FAM13C: variants seen among roughly 807,000 people sequenced by gnomAD.
FAM13C encodes the protein protein FAM13C.
In FAM13C, 37 loss-of-function variants were observed where a neutral mutation model predicts 73.2. The observed-to-expected ratio is 0.51, with a 90% CI of 0.39 to 0.67. FAM13C has a LOEUF of 0.67. Among genes scored for constraint, FAM13C ranks in the 30% least tolerant of loss-of-function variants. FAM13C has a pLI of 0.00. For missense variants in FAM13C, 589 were observed against 715.6 expected, an observed-to-expected ratio of 0.82 and a Z score of 2.02; for synonymous variants, 246 against 260.9, an observed-to-expected ratio of 0.94 and a Z score of 0.55.
At chr10:59,316,171 G>A (rs1318528386) in intron 4 of FAM13C, among the ~76,000 whole-genome samples, 1 of 152,110 alleles carries the variant, frequency 6.6e-6, no homozygotes. Flanking sequence ...CTGGCCTCAA[G>A]TGATCTGCCC....
At chr10:59,338,171 G>A (rs1335505131) in intron 3 of FAM13C, among the ~76,000 whole-genome samples, 2 of 151,924 alleles carry the variant, frequency 1.3e-5, no homozygotes, top group Non-Finnish European at 2.9e-5. Flanking sequence ...TCATTTTTCA[G>A]ATTGTTAACC....
intron 4 of FAM13C, among the ~76,000 whole-genome samples, chr10:59,318,425 T>A (rs1849799780): frequency 6.6e-6 from 1 of 152,158 alleles, no homozygotes. Context: ...GGAGCTCGTA[T>A]TCTTTAGCTA....
chr10:59,284,423 G>A (rs1809275), intron 5 of FAM13C, among the ~76,000 whole-genome samples: 32,098 of 151,590 alleles, frequency 0.21, 4,317 homozygotes, highest in African/African-American at 0.37. Context: ...GGTGGGCACC[G>A]GGAGCAGAGC....
chr10:59,342,384 T>G (rs1853630811), intron 3 of FAM13C, among the ~76,000 whole-genome samples: 1 of 151,346 alleles, frequency 6.6e-6, no homozygotes, highest in Admixed American at 6.6e-5. Context: ...TCCTGGCAGC[T>G]CTCAGACCAC....
In FAM13C at chr10:59,251,566, G is replaced by T. The variant is rs535888583; in HGVS notation, c.1634+9C>A. On this transcript the variant is annotated intron_variant, in intron 13 of 13. Coordinates refer to ENST00000618804, the MANE Select transcript of FAM13C (RefSeq NM_198215.4). ...TATTAGCTTTAAAAATCTCTCTGCC[G>T]ACACATACCTTCCTGTTTGTTTAAA... 3.9e-5 allele frequency: 62 copies of T among 1,609,496 alleles called. No individual in the cohort carries two copies. The South Asian group carries it at 6.0e-4, about 16-fold the overall frequency.
chr10:59,266,511 C>A (rs1366793155), intron 8 of FAM13C, among the ~76,000 whole-genome samples: 1 of 152,176 alleles, frequency 6.6e-6, no homozygotes, highest in Non-Finnish European at 1.5e-5. Context: ...AACCTCTAAG[C>A]ACAGCCTGGC....
At chr10:59,271,035 T>C (rs1390097697) in intron 6 of FAM13C, among the ~76,000 whole-genome samples, 1 of 152,000 alleles carries the variant, frequency 6.6e-6, no homozygotes, top group East Asian at 1.9e-4. Flanking sequence ...GGGGATCAGA[T>C]CATTAGGAAA....
At chr10:59,266,111 G>C (rs1289574642) in intron 8 of FAM13C, among the ~76,000 whole-genome samples, 2 of 152,172 alleles carry the variant, frequency 1.3e-5, no homozygotes, top group Non-Finnish European at 2.9e-5. Flanking sequence ...ATTCTTTGCT[G>C]TGTGATTCTG....
intron 10 of FAM13C, among the ~76,000 whole-genome samples, chr10:59,257,798 G>A (rs1842087815): frequency 6.6e-6 from 1 of 152,172 alleles, no homozygotes; most frequent in Non-Finnish European, 1.5e-5. Flanking sequence ...ATTAATATTT[G>A]TCTTGAAACC....
chr10:59,347,210 T>C (rs1487624766), intron 3 of FAM13C, among the ~76,000 whole-genome samples: 1 of 152,226 alleles, frequency 6.6e-6, no homozygotes, highest in Admixed American at 6.5e-5. Flanking sequence ...TATTCTGTTC[T>C]ATCAGTAAAT....
intron 6 of FAM13C, among the ~76,000 whole-genome samples, chr10:59,280,148 A>C (rs1253642715): frequency 6.6e-6 from 1 of 152,178 alleles, no homozygotes; most frequent in Non-Finnish European, 1.5e-5. Context: ...GTGGTTTGCA[A>C]CCTACAAGTA....
chr10:59,343,533 T>C (rs1274326038), intron 3 of FAM13C, among the ~76,000 whole-genome samples: 1 of 152,222 alleles, frequency 6.6e-6, no homozygotes, highest in Non-Finnish European at 1.5e-5. Flanking sequence ...AGAATTGTAC[T>C]TCTTGGTCCA....
At chr10:59,300,523 T>C (rs537228462) in intron 5 of FAM13C, among the ~76,000 whole-genome samples, 22 of 152,158 alleles carry the variant, frequency 1.4e-4, no homozygotes, top group Non-Finnish European at 2.6e-4. Flanking sequence ...TACATGTTTA[T>C]TTAGAGATGG....
In FAM13C at chr10:59,270,083, GC is replaced by G; in HGVS notation, c.618del (p.Gln207ArgfsTer46). On this transcript the variant is annotated frameshift_variant, in exon 7 of 14. Coordinates refer to ENST00000618804, the MANE Select transcript of FAM13C (RefSeq NM_198215.4). LOFTEE classifies it high-confidence loss of function. ...SADPSPVHKD[G>X]QNEADSAPED... The stretch of plus-strand genomic sequence containing the variant: ...TCTGGTGCACTGTCGGCCTCATTCT[GC>G]CCATCTTTGTGGACTGGTGAGGGGT... 1 of 1,613,316 alleles carries G rather than the reference GC, an allele frequency of 6.2e-7. No individual in the cohort carries two copies. The highest frequency in any genetic ancestry group is 8.5e-7 in the Non-Finnish European group (1 of 1,179,712).
Position 59,359,424 on chromosome 10 carries a change from C to T in FAM13C, c.62+2975G>A, listed in dbSNP as rs545224678. 6.6e-5 allele frequency among the ~76,000 whole-genome samples: 10 copies of T among 152,338 alleles called. No homozygotes were observed. In the South Asian group the frequency reaches 1.7e-3, roughly 25 times the overall value. On this transcript the variant is annotated intron_variant, in intron 1 of 13. Coordinates refer to ENST00000618804, the MANE Select transcript of FAM13C (RefSeq NM_198215.4). ...GCTGCCTAAAACAGAAGAGAGGCCT[C>T]AGACTGACTGTTAGATAAAATGTAG...
chr10:59,319,549 C>A (rs1003800512), intron 4 of FAM13C, among the ~76,000 whole-genome samples: 2 of 152,196 alleles, frequency 1.3e-5, no homozygotes, highest in Admixed American at 1.3e-4. Flanking sequence ...CTCTTACATT[C>A]ATAAATTTCC....
intron 5 of FAM13C, 106 bp from the exon 6 acceptor site, chr10:59,283,553 T>G (rs761669783): frequency 1.8e-6 from 2 of 1,096,898 alleles, no homozygotes; most frequent in Non-Finnish European, 2.8e-6. Flanking sequence ...AGTAGATGCC[T>G]AACACACAAC....
intron 4 of FAM13C, among the ~76,000 whole-genome samples, chr10:59,303,984 C>T (rs1847916704): frequency 6.6e-6 from 1 of 152,050 alleles, no homozygotes; most frequent in Middle Eastern, 3.2e-3. Flanking sequence ...CCTGTCTCTA[C>T]TAAAAGTACA....
intron 5 of FAM13C, among the ~76,000 whole-genome samples, chr10:59,295,256 G>C (rs766129335): frequency 6.6e-6 from 1 of 152,316 alleles, no homozygotes; most frequent in South Asian, 2.1e-4. Flanking sequence ...GCTGACCAAA[G>C]ATACAGATTA....
Sources: allele counts gnomAD v4.1 joint callset (sites outside exome capture counted in the v4.1 genomes callset), GRCh38; gene constraint gnomAD v4.1.1; transcripts MANE v1.5; gene names NCBI Gene and HGNC (gene_info 2026-07-23, HGNC 2026-07-21).